The following NEK4 variants were observed in gnomAD, a reference collection of about 807,000 sequenced individuals.
The protein encoded by NEK4 is serine/threonine-protein kinase Nek4.
A neutral mutation model predicts 98.4 loss-of-function variants in NEK4; 86 were observed. The observed-to-expected ratio is 0.87, with a 90% CI of 0.73 to 1.05. The LOEUF (loss-of-function observed/expected upper bound fraction) is 1.05, where lower values mean the gene tolerates loss of function less well. Ranked by LOEUF, NEK4 falls within the 50% of genes least tolerant of loss-of-function variation. The pLI is 0.00. For missense variants in NEK4, 898 were observed against 950.3 expected, an observed-to-expected ratio of 0.94 and a Z score of 0.72; for synonymous variants, 328 against 342.2, an observed-to-expected ratio of 0.96 and a Z score of 0.46.
chr3:52,723,962 G>A (rs1365018741), intron 15 of NEK4, among the ~76,000 whole-genome samples: 4 of 152,204 alleles, frequency 2.6e-5, no homozygotes, highest in Non-Finnish European at 4.4e-5. Flanking sequence ...GCCAGGCTTA[G>A]TGGCTCACAC....
intron 6 of NEK4, among the ~76,000 whole-genome samples, chr3:52,752,627 C>T (rs1299081637): frequency 6.6e-6 from 1 of 151,860 alleles, no homozygotes; most frequent in Non-Finnish European, 1.5e-5. Flanking sequence ...CTGCCAGGCA[C>T]GGTGGCTCAC....
chr3:52,751,922 T>C lies in NEK4; in HGVS notation c.1368+10A>G, dbSNP rs1161613764. ...CCAAAACCAGTATCTCATGTGTGCA[T>C]ATCACTCACCTGGTCCTTTGGCTTT... On this transcript the variant is annotated intron_variant, in intron 7 of 15. Transcript: ENST00000233027. 1.2e-6 allele frequency: 2 copies of C among 1,609,488 alleles called. No homozygotes were observed. The highest frequency in any genetic ancestry group is 1.7e-6 in the Non-Finnish European group (2 of 1,177,906).
At chr3:52,748,960 G>A (rs979123025) in intron 8 of NEK4, among the ~76,000 whole-genome samples, 2 of 151,956 alleles carry the variant, frequency 1.3e-5, no homozygotes, top group African/African-American at 4.8e-5. Flanking sequence ...GCTGGCGTAT[G>A]CCTGTAGTCC....
In NEK4 at chr3:52,770,908, G is replaced by A. The variant is rs115905120; in HGVS notation, c.-162C>T. 939 of 621,618 alleles carry A rather than the reference G, an allele frequency of 1.5e-3. 7 individuals are homozygous for A. The African/African-American group carries it at 0.016, about 10-fold the overall frequency. 38.5% of individuals were successfully genotyped at this position (621,618 alleles called of 1,614,324 possible). ...CTGGGGCCCGGCCCGCGACGACGCC[G>A]CTGCCATAGCGATCCGGGCCGGGAG... On this transcript the variant is annotated 5_prime_UTR_variant, in exon 1 of 16. Coordinates refer to ENST00000233027, the MANE Select transcript of NEK4 (RefSeq NM_003157.6).
At chr3:52,733,022 C>A (rs1319275253) in intron 15 of NEK4, 2 of 208,640 alleles carry the variant, frequency 9.6e-6, no homozygotes, top group Non-Finnish European at 2.1e-5. Context: ...CAAAAAAATT[C>A]TTCTAGTGTT....
At chr3:52,716,833 G>A (rs1373278723) in intron 15 of NEK4, among the ~76,000 whole-genome samples, 1 of 152,228 alleles carries the variant, frequency 6.6e-6, no homozygotes, top group Non-Finnish European at 1.5e-5. Flanking sequence ...TCAGTGGTAT[G>A]CGAATCATGA....
chr3:52,728,564 AT>A (rs1228317472), intron 15 of NEK4, among the ~76,000 whole-genome samples: 1 of 152,222 alleles, frequency 6.6e-6, no homozygotes, highest in Non-Finnish European at 1.5e-5. Flanking sequence ...GTACAAATTG[AT>A]TGTAAAACAT....
At chr3:52,745,701 C>T (rs1282306885) in intron 10 of NEK4, among the ~76,000 whole-genome samples, 1 of 152,066 alleles carries the variant, frequency 6.6e-6, no homozygotes, top group Non-Finnish European at 1.5e-5. Context: ...ACTTTACAAA[C>T]AAAAAGCTTT....
intron 15 of NEK4, among the ~76,000 whole-genome samples, chr3:52,734,045 T>C (rs528882633): frequency 5.0e-4 from 76 of 152,204 alleles, no homozygotes; most frequent in African/African-American, 1.8e-3. Context: ...AAAGATAATA[T>C]ATATAAAAAT....
In NEK4 at chr3:52,709,429, AG is replaced by A. The variant is rs1666619095; in HGVS notation, c.*2347del. On this transcript the variant is annotated 3_prime_UTR_variant, in exon 16 of 16. Coordinates refer to ENST00000233027, the MANE Select transcript of NEK4 (RefSeq NM_003157.6). ...TTAATAAGAAAGTATGGGGGAAGTC[AG>A]GTGTGGTGGTTCATGCCTATAATCC... is the stretch of plus-strand genomic sequence containing the variant. The A allele has an allele frequency of 6.6e-6, 1 of 152,010 alleles. No individual in the cohort carries two copies. The highest frequency in any genetic ancestry group is 1.5e-5 in the Non-Finnish European group (1 of 68,012). 9.4% of individuals were successfully genotyped at this position (152,010 alleles called of 1,614,324 possible).
At chr3:52,714,694 G>A (rs932016319) in intron 15 of NEK4, among the ~76,000 whole-genome samples, 26 of 152,198 alleles carry the variant, frequency 1.7e-4, no homozygotes, top group Admixed American at 6.5e-5. Flanking sequence ...CGGGCGCAAA[G>A]GGGCAGGCAG....
intron 6 of NEK4, among the ~76,000 whole-genome samples, chr3:52,753,039 A>G (rs1423251536): frequency 6.6e-6 from 1 of 150,786 alleles, no homozygotes. Flanking sequence ...GCTAAGTAAA[A>G]TAAGCCAGGC....
At chr3:52,749,097 G>A (rs1046148335) in intron 8 of NEK4, among the ~76,000 whole-genome samples, 4 of 151,744 alleles carry the variant, frequency 2.6e-5, no homozygotes, top group Non-Finnish European at 5.9e-5. Context: ...AGGGGAAGAG[G>A]GGAGGGGAGG....
chr3:52,751,992 T>C lies in NEK4; in HGVS notation c.1308A>G (p.Glu436=). 6.2e-7 allele frequency: 1 copy of C among 1,614,158 alleles called. No homozygotes were observed. Among genetic ancestry groups the C allele is most frequent in the Non-Finnish European group, 8.5e-7 (1 of 1,180,010 alleles). The change falls in exon 7 of 16, where the codon GAA becomes GAG. Residue 436 remains glutamate (E), a synonymous_variant. Coordinates refer to ENST00000233027, the MANE Select transcript of NEK4 (RefSeq NM_003157.6). ...PMWSSDIVTG[E]KNEPVKPLQP... is the part of the protein sequence containing the mutation. ...GCAGAGGCTTCACTGGTTCATTCTT[T>C]TCCCCAGTGACAATGTCAGAGGACC...
chr3:52,735,407 T>C (rs2097374528), intron 15 of NEK4, among the ~76,000 whole-genome samples: 1 of 152,242 alleles, frequency 6.6e-6, no homozygotes, highest in Admixed American at 6.5e-5. Flanking sequence ...TTGTTTTCTT[T>C]TGAAAATACA....
Position 52,737,695 on chromosome 3 carries a change from A to G in NEK4, c.2324T>C (p.Ile775Thr), listed in dbSNP as rs1157662255. ...PSAIMPGSEK[I>T]RRLVEVLRTD... ...TCTCAAGACTTCAACTAGTCTCCTG[A>G]TCTTTTCAGAACCTGGCATAATAGC... is the stretch of plus-strand genomic sequence containing the variant. The change falls in exon 15 of 16, where the codon ATC (isoleucine) becomes ACC (threonine). Residue 775 changes from isoleucine to threonine, a missense_variant. Transcript: ENST00000233027. The G allele has an allele frequency of 4.3e-6, 7 of 1,613,732 alleles. No homozygotes were observed. Among genetic ancestry groups the G allele is most frequent in the Non-Finnish European group, 5.9e-6 (7 of 1,179,740 alleles).
At chr3:52,743,313 T>A (rs1294719221) in intron 12 of NEK4, 39 bp downstream of exon 12, 2 of 1,521,514 alleles carry the variant, frequency 1.3e-6, no homozygotes, top group East Asian at 4.5e-5. Flanking sequence ...CTGCCAGATG[T>A]AGACTGTCCA....
In NEK4 at chr3:52,770,916, A is replaced by G; in HGVS notation, c.-170T>C. The G allele has an allele frequency of 1.6e-6, 1 of 615,930 alleles. No homozygotes were observed. The highest frequency in any genetic ancestry group is 2.8e-6 in the Non-Finnish European group (1 of 351,674). 38.2% of individuals were successfully genotyped at this position (615,930 alleles called of 1,614,324 possible). A position where few individuals can be genotyped will look rare whatever the true frequency, so the allele number is the denominator to read the frequency against. On this transcript the variant is annotated 5_prime_UTR_variant, in exon 1 of 16. Transcript: ENST00000233027. ...CGGCCCGCGACGACGCCGCTGCCAT[A>G]GCGATCCGGGCCGGGAGCAGTTCTG...
At position 52,766,859 on chromosome 3, in the gene NEK4, G is replaced by A. The variant is rs371082101; in HGVS notation, c.361-484C>T. On this transcript the variant is annotated intron_variant, in intron 2 of 15. Coordinates refer to ENST00000233027, the MANE Select transcript of NEK4 (RefSeq NM_003157.6). ...AAATTAGCCGGGCGCAGTGGCGGGC[G>A]CCTGTAGTCCCAGCTACTCGGGACG... is the stretch of plus-strand genomic sequence containing the variant. 3.4e-4 allele frequency among the ~76,000 whole-genome samples: 52 copies of A among 152,178 alleles called. 1 individual carries two copies. The East Asian group carries it at 7.5e-3, about 22-fold the overall frequency.
Sources: gnomAD v4.1 joint callset for allele counts (sites outside exome capture counted in the v4.1 genomes callset) on GRCh38, gnomAD v4.1.1 for gene constraint, MANE v1.5 for transcripts, NCBI Gene and HGNC (gene_info 2026-07-23, HGNC 2026-07-21) for gene names.